Variants in AKAP19 observed in about 807,000 individuals in gnomAD.
AKAP19 encodes the protein small A-kinase anchoring protein.
At chr2:189,914,030 G>A in the AKAP19 span, among the ~76,000 whole-genome samples, 3 of 152,056 alleles carry the variant, frequency 2.0e-5, no homozygotes, top group Admixed American at 2.0e-4. Context: ...ACCTGTTAGT[G>A]TGTTTCGTTT....
chr2:190,074,989 C>T, the AKAP19 span, among the ~76,000 whole-genome samples: 3 of 151,564 alleles, frequency 2.0e-5, no homozygotes, highest in African/African-American at 7.3e-5. Context: ...GGTTCTTTGC[C>T]GTGATGAATT....
the AKAP19 span, among the ~76,000 whole-genome samples, chr2:189,889,726 A>G: frequency 1.3e-5 from 2 of 152,092 alleles, no homozygotes; most frequent in African/African-American, 4.8e-5. Flanking sequence ...AGAGTTGTTT[A>G]TAGTATTATC....
chr2:189,940,395 G>T, the AKAP19 span, among the ~76,000 whole-genome samples: 1 of 151,838 alleles, frequency 6.6e-6, no homozygotes, highest in Non-Finnish European at 1.5e-5. Flanking sequence ...GCAGTGAGCT[G>T]AGATTGCGCC....
At chr2:189,989,733 G>A in the AKAP19 span, among the ~76,000 whole-genome samples, 4 of 152,066 alleles carry the variant, frequency 2.6e-5, no homozygotes, top group South Asian at 2.1e-4. Flanking sequence ...TCAGGATGTA[G>A]AAAATCTCAA....
At chr2:190,045,496 C>G in the AKAP19 span, among the ~76,000 whole-genome samples, 1 of 152,100 alleles carries the variant, frequency 6.6e-6, no homozygotes, top group Non-Finnish European at 1.5e-5. Context: ...CTGAAAGCAG[C>G]AGTTTGGCCA....
the AKAP19 span, among the ~76,000 whole-genome samples, chr2:189,968,663 A>C: frequency 1.3e-5 from 2 of 152,192 alleles, no homozygotes; most frequent in African/African-American, 4.8e-5. Flanking sequence ...AGAAAGGTTG[A>C]GAGTAGAAGA....
the AKAP19 span, among the ~76,000 whole-genome samples, chr2:189,893,035 A>T: frequency 6.6e-6 from 1 of 152,056 alleles, no homozygotes; most frequent in Non-Finnish European, 1.5e-5. Context: ...TTACACTGTG[A>T]GGGGAAAATC....
At chr2:189,900,817 A>C in the AKAP19 span, among the ~76,000 whole-genome samples, 2 of 152,200 alleles carry the variant, frequency 1.3e-5, no homozygotes, top group Admixed American at 6.5e-5. Flanking sequence ...GGCAGTGGGC[A>C]AATGGGCAAG....
At chr2:190,049,492 C>A in the AKAP19 span, among the ~76,000 whole-genome samples, 2 of 152,270 alleles carry the variant, frequency 1.3e-5, no homozygotes, top group East Asian at 1.9e-4. Context: ...TAATCATATT[C>A]TTTGATTCTG....
the AKAP19 span, among the ~76,000 whole-genome samples, chr2:189,996,423 T>C: frequency 1.7e-4 from 26 of 152,362 alleles, 2 homozygotes; most frequent in South Asian, 5.2e-3. Flanking sequence ...TCTCTGTGTC[T>C]TTCATTTCCA....
At chr2:189,958,697 A>C in the AKAP19 span, among the ~76,000 whole-genome samples, 2 of 151,488 alleles carry the variant, frequency 1.3e-5, no homozygotes, top group Non-Finnish European at 2.9e-5. Context: ...CGAAAAAAAA[A>C]CCTCCAAATG....
the AKAP19 span, among the ~76,000 whole-genome samples, chr2:190,118,015 TA>T: frequency 6.6e-6 from 1 of 151,964 alleles, no homozygotes; most frequent in Non-Finnish European, 1.5e-5. Flanking sequence ...ATAGATGCAA[TA>T]AAAAATGATA....
the AKAP19 span, among the ~76,000 whole-genome samples, chr2:190,146,965 C>G: frequency 2.6e-5 from 4 of 152,170 alleles, no homozygotes; most frequent in African/African-American, 9.7e-5. Context: ...GTTTACTCTG[C>G]TGACTGTTCA....
At chr2:190,096,020 G>A in the AKAP19 span, among the ~76,000 whole-genome samples, 1 of 152,120 alleles carries the variant, frequency 6.6e-6, no homozygotes, top group Non-Finnish European at 1.5e-5. Flanking sequence ...GGTGTGGGTG[G>A]CCTATAGAAG....
the AKAP19 span, among the ~76,000 whole-genome samples, chr2:189,918,288 G>T: frequency 6.6e-6 from 1 of 151,730 alleles, no homozygotes; most frequent in Admixed American, 6.6e-5. Flanking sequence ...ATATTCCAAG[G>T]TTTCCTCTTT....
At chr2:190,116,624 T>C in the AKAP19 span, among the ~76,000 whole-genome samples, 1 of 152,284 alleles carries the variant, frequency 6.6e-6, no homozygotes, top group South Asian at 2.1e-4. Flanking sequence ...TTGGGAGTAC[T>C]TTTTAATTCC....
chr2:190,104,112 G>C, the AKAP19 span, among the ~76,000 whole-genome samples: 1 of 152,190 alleles, frequency 6.6e-6, no homozygotes, highest in Admixed American at 6.5e-5. Context: ...AACAAATGAT[G>C]CTAGGATAGC....
chr2:190,155,962 C>G, the AKAP19 span, among the ~76,000 whole-genome samples: 1 of 151,698 alleles, frequency 6.6e-6, no homozygotes, highest in Non-Finnish European at 1.5e-5. Context: ...TAATACAATT[C>G]TAATTTAAAT....
At chr2:190,138,958 G>A in the AKAP19 span, among the ~76,000 whole-genome samples, 2 of 152,154 alleles carry the variant, frequency 1.3e-5, no homozygotes, top group African/African-American at 4.8e-5. Context: ...AATATCATTT[G>A]GCAAAGTTGT....
Sources: allele counts gnomAD v4.1 joint callset (sites outside exome capture counted in the v4.1 genomes callset), GRCh38; gene constraint gnomAD v4.1.1; transcripts MANE v1.5; gene names NCBI Gene and HGNC (gene_info 2026-07-23, HGNC 2026-07-21).